Variants in KIF26B observed in about 807,000 individuals in gnomAD.
KIF26B encodes kinesin family member 26B.
In KIF26B, 63 loss-of-function variants were observed where a neutral mutation model predicts 151.2. The ratio of observed to expected loss-of-function variants is 0.42; its 90% CI spans 0.34 to 0.51. The LOEUF (loss-of-function observed/expected upper bound fraction) is 0.51, where lower values mean the gene tolerates loss of function less well. Among genes scored for constraint, KIF26B ranks in the 20% least tolerant of loss-of-function variants. The probability of loss-of-function intolerance (pLI) is 0.07; values close to 1 mark genes in which losing one functional copy is unlikely to be tolerated. For missense variants in KIF26B, 2,813 were observed against 2,913.6 expected, an observed-to-expected ratio of 0.97 and a Z score of 0.79; for synonymous variants, 1,357 against 1,262.1, an observed-to-expected ratio of 1.08 and a Z score of -1.59.
Position 245,303,316 on chromosome 1 carries a change from A to T in KIF26B, c.466-63518A>T, listed in dbSNP as rs916441083. On this transcript the variant is annotated intron_variant, in intron 2 of 14. Coordinates refer to ENST00000407071, the MANE Select transcript of KIF26B (RefSeq NM_018012.4). ...CGGGTTCACGCCATTCTCCTGCCTCAGCCTCCCGAGTAGCTGGGACTACAG... is the reference window on the plus strand; with the variant it reads ...CGGGTTCACGCCATTCTCCTGCCTCTGCCTCCCGAGTAGCTGGGACTACAG... Among the ~76,000 whole-genome samples the T allele has an allele frequency of 1.2e-4, 17 of 146,362 alleles. 1 individual carries two copies. The South Asian group carries it at 2.6e-3, about 22-fold the overall frequency.
intron 4 of KIF26B, among the ~76,000 whole-genome samples, chr1:245,443,746 T>C (rs111440299): frequency 1.2e-3 from 64 of 52,182 alleles, no homozygotes; most frequent in African/African-American, 1.7e-3. Context: ...TCACTGTTCA[T>C]CTAGAGGAGA....
At chr1:245,528,105 A>T (rs1661280673) in intron 4 of KIF26B, among the ~76,000 whole-genome samples, 2 of 152,078 alleles carry the variant, frequency 1.3e-5, no homozygotes. Flanking sequence ...TGTGCACCTA[A>T]GTGCAGATGA....
At chr1:245,263,713 G>A (rs1483923364) in intron 2 of KIF26B, among the ~76,000 whole-genome samples, 1 of 152,150 alleles carries the variant, frequency 6.6e-6, no homozygotes, top group Non-Finnish European at 1.5e-5. Flanking sequence ...CCCAAAAAAG[G>A]TAAGCACTGT....
rs542994340 is a variant in KIF26B at position 245,686,541 on chromosome 1, C to T, written c.3558C>T (p.Asp1186=). ...AGCCACTGGAGCTGAACGGTGAGGA[C>T]GAGCTGGTGTTCACGCTGGTGGAGG... ...VQQPLELNGE[D]ELVFTLVEEL... Residue 1186 remains aspartate (D), a synonymous_variant, in exon 12 of 15, where the codon GAC becomes GAT. Coordinates refer to ENST00000407071, the MANE Select transcript of KIF26B (RefSeq NM_018012.4). The surrounding 1 kb of genome is among the most constrained non-coding windows in gnomAD (Gnocchi z 5.6). The T allele has an allele frequency of 3.5e-5, 57 of 1,613,136 alleles. No individual in the cohort carries two copies. Among genetic ancestry groups the T allele is most frequent in the Admixed American group, 1.5e-4 (9 of 60,032 alleles).
At chr1:245,464,694 A>G (rs1475392023) in intron 4 of KIF26B, among the ~76,000 whole-genome samples, 2 of 151,468 alleles carry the variant, frequency 1.3e-5, no homozygotes, top group African/African-American at 4.9e-5. Context: ...GAGTATGTGC[A>G]TGTGTGTGCA....
At chr1:245,183,089 T>A (rs192297286) in intron 2 of KIF26B, among the ~76,000 whole-genome samples, 1 of 152,392 alleles carries the variant, frequency 6.6e-6, no homozygotes, top group East Asian at 1.9e-4. Flanking sequence ...TCGTGCTTAT[T>A]GACCATTCAT....
chr1:245,352,544 G>A lies in KIF26B; in HGVS notation c.466-14290G>A, dbSNP rs58688682. On this transcript the variant is annotated intron_variant, in intron 2 of 14. Transcript: ENST00000407071. This position sits in a 1 kb window ranked among gnomAD's most constrained non-coding sequence, Gnocchi z 5.0. Reference sequence around the variant, plus strand: ...CTCGCCAAGTGCTGAGATTATAGGCGTGAACCACTGTGCCTGGCCCACCTA... The same window carrying A: ...CTCGCCAAGTGCTGAGATTATAGGCATGAACCACTGTGCCTGGCCCACCTA... 0.13 allele frequency among the ~76,000 whole-genome samples: 20,124 copies of A among 152,228 alleles called. 3,071 individuals are homozygous for A. Among genetic ancestry groups the A allele is most frequent in the African/African-American group, 0.36 (14,970 of 41,482 alleles).
chr1:245,419,273 A>G (rs1001210216), intron 3 of KIF26B, among the ~76,000 whole-genome samples: 1 of 152,212 alleles, frequency 6.6e-6, no homozygotes, highest in Non-Finnish European at 1.5e-5. Context: ...CTTGGGCTGC[A>G]AAGAGTGCAT....
chr1:245,467,761 G>A (rs572696007), intron 4 of KIF26B, among the ~76,000 whole-genome samples: 7 of 152,224 alleles, frequency 4.6e-5, no homozygotes, highest in East Asian at 1.9e-4. Context: ...TGGCCATGGC[G>A]GTGTGTGCCT....
intron 2 of KIF26B, among the ~76,000 whole-genome samples, chr1:245,211,908 C>T (rs1278856050): frequency 1.3e-5 from 2 of 152,180 alleles, no homozygotes; most frequent in Non-Finnish European, 1.5e-5. Context: ...GATTTCCATT[C>T]GGCCTGCACC....
At chr1:245,246,982 C>T (rs1050382295) in intron 2 of KIF26B, among the ~76,000 whole-genome samples, 3 of 151,552 alleles carry the variant, frequency 2.0e-5, no homozygotes, top group Admixed American at 6.6e-5. Context: ...CACACACACA[C>T]ACAAACTTAA....
chr1:245,214,877 C>T (rs1216127003), intron 2 of KIF26B, among the ~76,000 whole-genome samples: 1 of 152,012 alleles, frequency 6.6e-6, no homozygotes, highest in Non-Finnish European at 1.5e-5. Flanking sequence ...ACATAGAAGA[C>T]AGAATATGGT....
At chr1:245,506,168 C>T (rs778919844) in intron 4 of KIF26B, among the ~76,000 whole-genome samples, 22 of 152,268 alleles carry the variant, frequency 1.4e-4, no homozygotes, top group Middle Eastern at 3.4e-3. Flanking sequence ...TTCTGTCTCT[C>T]GGGTATATTA....
chr1:245,465,039 C>T (rs12354185), intron 4 of KIF26B, among the ~76,000 whole-genome samples: 110,560 of 135,992 alleles, frequency 0.81, 45,370 homozygotes, highest in African/African-American at 0.89. Flanking sequence ...AGTGCAGGGG[C>T]GCGATCTCGG....
chr1:245,324,344 A>G (rs1671945019), intron 2 of KIF26B, among the ~76,000 whole-genome samples: 1 of 152,218 alleles, frequency 6.6e-6, no homozygotes, highest in Non-Finnish European at 1.5e-5. Flanking sequence ...AGGACATCTC[A>G]TCTTCAAGAC....
chr1:245,511,676 G>A (rs552757196), intron 4 of KIF26B, among the ~76,000 whole-genome samples: 207 of 152,182 alleles, frequency 1.4e-3, no homozygotes, highest in African/African-American at 4.4e-3. Context: ...TCTTGAGGTC[G>A]GACATCTCCC....
Position 245,352,631 on chromosome 1 carries a change from T to C in KIF26B, c.466-14203T>C, listed in dbSNP as rs1378128724. 6.6e-6 allele frequency among the ~76,000 whole-genome samples: 1 copy of C among 152,166 alleles called. No individual in the cohort carries two copies. The highest frequency in any genetic ancestry group is 1.5e-5 in the Non-Finnish European group (1 of 68,038). On this transcript the variant is annotated intron_variant, in intron 2 of 14. Transcript: ENST00000407071. This position sits in a 1 kb window ranked among gnomAD's most constrained non-coding sequence, Gnocchi z 5.0. ...ACAGTTTTGTCATTTTAATCCTTTT[T>C]TGGACCACAACAATCACTTTACGAA...
intron 10 of KIF26B, among the ~76,000 whole-genome samples, chr1:245,664,364 A>G (rs1336354132): frequency 6.6e-6 from 1 of 151,720 alleles, no homozygotes; most frequent in Middle Eastern, 3.2e-3. Context: ...CATCTCAAAA[A>G]AAAAAAAAAT....
intron 5 of KIF26B, among the ~76,000 whole-genome samples, chr1:245,599,377 C>G (rs1259347400): frequency 1.3e-5 from 2 of 152,236 alleles, no homozygotes; most frequent in African/African-American, 4.8e-5. Context: ...CTGTGTGTAT[C>G]TCTTTGGCCA....
Sources: allele counts gnomAD v4.1 joint callset (sites outside exome capture counted in the v4.1 genomes callset), GRCh38; gene constraint gnomAD v4.1.1; non-coding constraint Gnocchi (gnomAD v3.1); transcripts MANE v1.5; gene names NCBI Gene and HGNC (gene_info 2026-07-23, HGNC 2026-07-21).